DOP1A: variants seen among roughly 807,000 people sequenced by gnomAD.
The protein encoded by DOP1A is DOP1 leucine zipper like protein A.
In DOP1A, 90 loss-of-function variants were observed where a neutral mutation model predicts 267.6. That is an observed-to-expected ratio of 0.34 (90% CI 0.28 to 0.40). DOP1A has a LOEUF of 0.40. Among genes scored for constraint, DOP1A ranks in the 10% least tolerant of loss-of-function variants. The pLI is 1.00. For synonymous variants in DOP1A, 932 were observed against 999.1 expected (o/e 0.93, Z 1.27); for missense variants, 2,437 against 2,900.4 (o/e 0.84, Z 3.67).
At chr6:83,077,343 T>C in intron 1 of DOP1A, among the ~76,000 whole-genome samples, 1 of 150,858 alleles carries the variant, frequency 6.6e-6, no homozygotes, top group East Asian at 2.0e-4. Context: ...AAAAAAAAGA[T>C]GGTAAATGTT....
intron 7 of DOP1A, among the ~76,000 whole-genome samples, chr6:83,117,386 G>A (rs758552321): frequency 4.9e-4 from 75 of 152,156 alleles, no homozygotes; most frequent in Non-Finnish European, 9.3e-4. Context: ...TCCTGACCTT[G>A]TGATCCGCCT....
At position 83,097,865 on chromosome 6, in the gene DOP1A, A is replaced by ATTATT. The variant is rs556936772; in HGVS notation, c.138+778_138+782dup. Among the ~76,000 whole-genome samples, 464 of 145,990 alleles carry ATTATT rather than the reference A, an allele frequency of 3.2e-3. 1 individual carries two copies. The highest frequency in any genetic ancestry group is 7.0e-3 in the African/African-American group (286 of 40,732). ...ATTCTATTTTATTTTATTTTATTTT[A>ATTATT]TTATTTTATTTTATTTTATTTTATT... On this transcript the variant is annotated intron_variant, in intron 3 of 38. Coordinates refer to ENST00000349129, the MANE Select transcript of DOP1A (RefSeq NM_015018.4).
At chr6:83,145,743 C>A in intron 25 of DOP1A, 85 bp downstream of exon 25, 2 of 1,339,622 alleles carry the variant, frequency 1.5e-6, no homozygotes, top group South Asian at 2.7e-5. Context: ...CAATAATGTC[C>A]TTTCAATATA....
At chr6:83,140,169 C>T in intron 22 of DOP1A, 52 bp from the exon 23 acceptor site, 3 of 1,605,324 alleles carry the variant, frequency 1.9e-6, no homozygotes, top group Non-Finnish European at 1.7e-6. Flanking sequence ...AATAAATTTC[C>T]ATTTGTAAAT....
chr6:83,168,713 C>T, downstream of DOP1A: 1 of 996,424 alleles, frequency 1.0e-6, no homozygotes, highest in African/African-American at 1.7e-5. Flanking sequence ...GATGGACAAC[C>T]CCCTATTCAT....
intron 1 of DOP1A, among the ~76,000 whole-genome samples, chr6:83,070,047 CTG>C (rs1357584805): frequency 2.6e-5 from 4 of 152,160 alleles, no homozygotes; most frequent in Non-Finnish European, 5.9e-5. Flanking sequence ...CAATCTTAAA[CTG>C]TTTTGCTAAA....
rs2128181769 is a variant in DOP1A at position 83,111,772 on chromosome 6, C to A, written c.681+1458C>A. ...TTCCTTATATATTCTGGATATTAAA[C>A]CCTTGTCGTATATATGATTTGAAAA... On this transcript the variant is annotated intron_variant, in intron 6 of 38. Transcript: ENST00000349129. Among the ~76,000 whole-genome samples, 4 of 152,180 alleles carry A rather than the reference C, an allele frequency of 2.6e-5. No homozygotes were observed. The East Asian group carries it at 7.7e-4, about 29-fold the overall frequency.
chr6:83,140,277 A>G lies in DOP1A; in HGVS notation c.5289A>G (p.Ser1763=), dbSNP rs145900665. ...TTGAAGCACGCAGTGGAATCCTCTC[A>G]ATCCTTCATATGATCATGTCCTCTG... ...HLFEARSGIL[S]ILHMIMSSVT... is the part of the protein sequence containing the mutation. The change falls in exon 23 of 39, where the codon TCA becomes TCG. Residue 1763 remains serine, a synonymous_variant. Transcript: ENST00000349129. 1.9e-4 allele frequency: 309 copies of G among 1,613,642 alleles called. No individual in the cohort carries two copies. The African/African-American group carries it at 3.6e-3, about 19-fold the overall frequency.
In DOP1A at chr6:83,145,672, C is replaced by G. The variant is rs1233937856; in HGVS notation, c.5676+14C>G. ...GCCAAGGACAAGGTAAGAAAAAACT[C>G]TTCTTCACATGTGTTTACAATTCTG... is the stretch of plus-strand genomic sequence containing the variant. On this transcript the variant is annotated intron_variant, in intron 25 of 38. Transcript: ENST00000349129. 2 of 1,607,708 alleles carry G rather than the reference C, an allele frequency of 1.2e-6. No homozygotes were observed. Among genetic ancestry groups the G allele is most frequent in the Non-Finnish European group, 1.7e-6 (2 of 1,177,952 alleles).
At chr6:83,145,154 T>TTA (rs1285602448) in intron 24 of DOP1A, among the ~76,000 whole-genome samples, 1 of 13,274 alleles carries the variant, frequency 7.5e-5, no homozygotes, top group East Asian at 2.1e-3. Context: ...AATTTTACTT[T>TTA]TATATATATA....
In DOP1A at chr6:83,156,033, T is replaced by C; in HGVS notation, c.6534T>C (p.Leu2178=). Residue 2178 remains leucine, a synonymous_variant, in exon 34 of 39, where the codon CTT becomes CTC. Coordinates refer to ENST00000349129, the MANE Select transcript of DOP1A (RefSeq NM_015018.4). ...AGCTAGAACAGAGAGCTATGCTTCTTAAAAGATTAGCATTTGCTATTTTTA... is the reference window on the plus strand; with the variant it reads ...AGCTAGAACAGAGAGCTATGCTTCTCAAAAGATTAGCATTTGCTATTTTTA... ...DVELEQRAML[L]KRLAFAIFSS... 6.2e-7 allele frequency: 1 copy of C among 1,613,818 alleles called. No homozygotes were observed.
Position 83,130,325 on chromosome 6 carries a change from A to T in DOP1A, c.2544A>T (p.Val848=), listed in dbSNP as rs1290675241. The part of the protein sequence containing the change: ...AQPLSPNQGR[V]AVVIRPPLTQ... ...CCTTAAGTCCAAACCAGGGAAGAGT[A>T]GCTGTGGTTATTAGACCTCCCCTCA... Residue 848 remains valine (V), a synonymous_variant, in exon 17 of 39, where the codon GTA becomes GTT. Transcript: ENST00000349129. 1 of 1,614,132 alleles carries T rather than the reference A, an allele frequency of 6.2e-7. No homozygotes were observed. Among genetic ancestry groups the T allele is most frequent in the Non-Finnish European group, 8.5e-7 (1 of 1,179,986 alleles).
At chr6:83,091,772 T>G (rs1270144813) in intron 1 of DOP1A, among the ~76,000 whole-genome samples, 1 of 152,212 alleles carries the variant, frequency 6.6e-6, no homozygotes, top group Non-Finnish European at 1.5e-5. Context: ...AATGCTATTT[T>G]ATATCTTATT....
chr6:83,112,323 A>C (rs567227970), intron 6 of DOP1A, among the ~76,000 whole-genome samples: 24 of 151,990 alleles, frequency 1.6e-4, no homozygotes, highest in Non-Finnish European at 2.8e-4. Context: ...AAGAGTTTAA[A>C]CTACACCAAG....
At chr6:83,090,511 T>C (rs1284074288) in intron 1 of DOP1A, among the ~76,000 whole-genome samples, 1 of 152,174 alleles carries the variant, frequency 6.6e-6, no homozygotes, top group Non-Finnish European at 1.5e-5. Flanking sequence ...TGGGGATACG[T>C]TATATTTGCA....
intron 17 of DOP1A, among the ~76,000 whole-genome samples, chr6:83,131,257 A>AG (rs1777981001): frequency 6.6e-6 from 1 of 152,072 alleles, no homozygotes. Flanking sequence ...GTACATTAAA[A>AG]AAAAGTTTAA....
intron 38 of DOP1A, 47 bp from the exon 39 acceptor site, chr6:83,167,815 C>T (rs1373076304): frequency 6.5e-7 from 1 of 1,536,876 alleles, no homozygotes; most frequent in Middle Eastern, 1.8e-4. Flanking sequence ...TCTAACATAC[C>T]ACATTGTCTG....
chr6:83,130,329 G>A lies in DOP1A; in HGVS notation c.2548G>A (p.Val850Met). ...AAGTCCAAACCAGGGAAGAGTAGCTGTGGTTATTAGACCTCCCCTCACTCA... is the reference window on the plus strand; with the variant it reads ...AAGTCCAAACCAGGGAAGAGTAGCTATGGTTATTAGACCTCCCCTCACTCA... ...PLSPNQGRVAVVIRPPLTQGN... is the reference protein window; with the variant it reads ...PLSPNQGRVAMVIRPPLTQGN... The change falls in exon 17 of 39, where the codon GTG becomes ATG. Residue 850 changes from valine to methionine, a missense_variant. Around this residue, in one of 9 missense-constraint regions of DOP1A, gnomAD observed 878 missense variants for 992.9 expected, o/e 0.88. Coordinates refer to ENST00000349129, the MANE Select transcript of DOP1A (RefSeq NM_015018.4). 1 of 1,614,092 alleles carries A rather than the reference G, an allele frequency of 6.2e-7. No homozygotes were observed. The highest frequency in any genetic ancestry group is 8.5e-7 in the Non-Finnish European group (1 of 1,179,964).
In DOP1A at chr6:83,140,231, G is replaced by C; in HGVS notation, c.5243G>C (p.Ser1748Thr). The C allele has an allele frequency of 6.2e-7, 1 of 1,612,102 alleles. No homozygotes were observed. Among genetic ancestry groups the C allele is most frequent in the South Asian group, 1.1e-5 (1 of 90,844 alleles). ...CCCAACTGTTAATAGCTTTTGGTCAGTGTAGACCAGAAACACTTGTTTGAA... is the reference window on the plus strand; with the variant it reads ...CCCAACTGTTAATAGCTTTTGGTCACTGTAGACCAGAAACACTTGTTTGAA... The part of the protein sequence containing the change: ...PTTQYHQLLV[S>T]VDQKHLFEAR... The change falls in exon 23 of 39, where the codon AGT becomes ACT. Residue 1748 changes from serine (S) to threonine (T), a missense_variant. Physicochemically the swap from Ser to Thr is moderately conservative, Grantham distance 58 (BLOSUM62 1). Transcript: ENST00000349129.
Sources: gnomAD v4.1 joint callset for allele counts (sites outside exome capture counted in the v4.1 genomes callset) on GRCh38, gnomAD v4.1.1 for gene constraint, gnomAD v4.1.1 regional missense constraint, MANE v1.5 for transcripts, NCBI Gene and HGNC (gene_info 2026-07-23, HGNC 2026-07-21) for gene names.